ITFG1: variants seen among roughly 807,000 people sequenced by gnomAD.
ITFG1 encodes the protein T-cell immunomodulatory protein.
A neutral mutation model predicts 81.8 loss-of-function variants in ITFG1; 34 were observed. The ratio of observed to expected loss-of-function variants is 0.42; its 90% CI spans 0.32 to 0.55. ITFG1 has a LOEUF of 0.55. Ranked by LOEUF, ITFG1 falls within the 20% of genes least tolerant of loss-of-function variation. The probability of loss-of-function intolerance (pLI) is 0.17; values close to 1 mark genes in which losing one functional copy is unlikely to be tolerated. For missense variants in ITFG1, 672 were observed against 755.4 expected (o/e 0.89, Z 1.29); for synonymous variants, 285 against 270.6 (o/e 1.05, Z -0.52).
chr16:47,317,159 ACT>A (rs1967372795), intron 8 of ITFG1, among the ~76,000 whole-genome samples: 1 of 152,188 alleles, frequency 6.6e-6, no homozygotes, highest in African/African-American at 2.4e-5. Context: ...TTTGATGGTA[ACT>A]CTAGCCAAAT....
intron 8 of ITFG1, among the ~76,000 whole-genome samples, chr16:47,327,250 G>T (rs1967562733): frequency 6.6e-6 from 1 of 151,560 alleles, no homozygotes; most frequent in Non-Finnish European, 1.5e-5. Context: ...AATAAATGGT[G>T]CTGGGAAAAC....
At chr16:47,216,675 T>A (rs1294293623) in intron 14 of ITFG1, among the ~76,000 whole-genome samples, 1 of 152,080 alleles carries the variant, frequency 6.6e-6, no homozygotes, top group African/African-American at 2.4e-5. Context: ...TTTATTTATT[T>A]TTTTTTGAGA....
chr16:47,416,329 T>C (rs946116786), intron 6 of ITFG1, among the ~76,000 whole-genome samples: 1 of 152,156 alleles, frequency 6.6e-6, no homozygotes, highest in Non-Finnish European at 1.5e-5. Context: ...TCATATAGAT[T>C]TGACTATTTA....
intron 10 of ITFG1, among the ~76,000 whole-genome samples, chr16:47,266,462 C>T (rs955265139): frequency 6.6e-6 from 1 of 152,192 alleles, no homozygotes; most frequent in Non-Finnish European, 1.5e-5. Flanking sequence ...AAGTGATCTG[C>T]CCACCTGGGC....
chr16:47,421,252 A>T (rs1365752456), intron 6 of ITFG1, among the ~76,000 whole-genome samples: 1 of 150,338 alleles, frequency 6.7e-6, no homozygotes, highest in African/African-American at 2.5e-5. Context: ...ATATATACAC[A>T]CATATATACA....
chr16:47,388,786 T>C (rs191274925), intron 6 of ITFG1, among the ~76,000 whole-genome samples: 127 of 152,292 alleles, frequency 8.3e-4, no homozygotes, highest in African/African-American at 2.9e-3. Flanking sequence ...GACCCCGTCT[T>C]ACACTCAAGT....
chr16:47,308,320 G>A (rs898004367), intron 10 of ITFG1, among the ~76,000 whole-genome samples: 1 of 152,142 alleles, frequency 6.6e-6, no homozygotes, highest in Non-Finnish European at 1.5e-5. Flanking sequence ...CATAGAGAAC[G>A]TGAAAAAGAA....
Position 47,452,801 on chromosome 16 carries a change from GATAT to G in ITFG1, c.428-15_428-12del. 7 of 1,383,436 alleles carry G rather than the reference GATAT, an allele frequency of 5.1e-6. No homozygotes were observed. The highest frequency in any genetic ancestry group is 1.3e-5 in the South Asian group (1 of 76,372). The allele number at this position is 1,383,436 out of a possible 1,614,324, so 85.7% of individuals were successfully genotyped here. A position where few individuals can be genotyped will look rare whatever the true frequency, so the allele number is the denominator to read the frequency against. ...TCATATTGTTAGGATCTGCAAAAAA[GATAT>G]ATATATATATGAATTAGCAGGCATT... On this transcript the variant is annotated splice_polypyrimidine_tract_variant and intron_variant, in intron 3 of 17. Coordinates refer to ENST00000320640, the MANE Select transcript of ITFG1 (RefSeq NM_030790.5).
intron 5 of ITFG1, among the ~76,000 whole-genome samples, chr16:47,442,400 C>A (rs1596987610): frequency 6.6e-6 from 1 of 151,940 alleles, no homozygotes; most frequent in Admixed American, 6.6e-5. Flanking sequence ...AAGAGCCCGC[C>A]TTGCCAAGTC....
intron 6 of ITFG1, among the ~76,000 whole-genome samples, chr16:47,399,996 G>A (rs914462895): frequency 6.6e-6 from 1 of 152,198 alleles, no homozygotes; most frequent in African/African-American, 2.4e-5. Context: ...TCCAGATACT[G>A]TACTGGATAC....
intron 8 of ITFG1, among the ~76,000 whole-genome samples, chr16:47,315,616 G>T (rs1277203104): frequency 6.6e-6 from 1 of 151,804 alleles, no homozygotes; most frequent in African/African-American, 2.4e-5. Flanking sequence ...ATTTTTTCAA[G>T]TGCTCTAACA....
intron 8 of ITFG1, among the ~76,000 whole-genome samples, chr16:47,314,325 A>G (rs1020004906): frequency 6.6e-6 from 1 of 152,202 alleles, no homozygotes; most frequent in Non-Finnish European, 1.5e-5. Context: ...AAAAATAAGC[A>G]TATCAACAGT....
intron 12 of ITFG1, among the ~76,000 whole-genome samples, chr16:47,249,743 C>T (rs1182354845): frequency 6.6e-6 from 1 of 152,176 alleles, no homozygotes; most frequent in Non-Finnish European, 1.5e-5. Context: ...TTAAACCATA[C>T]TGTATGTTAC....
chr16:47,156,160 G>A (rs996808678), intron 17 of ITFG1, among the ~76,000 whole-genome samples: 1 of 152,176 alleles, frequency 6.6e-6, no homozygotes, highest in African/African-American at 2.4e-5. Context: ...ATGGCTGGGT[G>A]TGGTGGTGGC....
At chr16:47,324,094 A>C (rs1166799910) in intron 8 of ITFG1, among the ~76,000 whole-genome samples, 1 of 152,180 alleles carries the variant, frequency 6.6e-6, no homozygotes, top group East Asian at 1.9e-4. Context: ...ATATAAAATG[A>C]AGAGAAATAT....
At chr16:47,162,691 T>C in intron 14 of ITFG1, 27 bp from the exon 15 acceptor site, 1 of 1,559,962 alleles carries the variant, frequency 6.4e-7, no homozygotes, top group Non-Finnish European at 8.7e-7. Flanking sequence ...AAAAAAAAAT[T>C]AAAAACATCT....
chr16:47,314,721 G>T (rs1027040697), intron 8 of ITFG1, among the ~76,000 whole-genome samples: 3 of 152,272 alleles, frequency 2.0e-5, no homozygotes, highest in South Asian at 2.1e-4. Context: ...ACAATGCACA[G>T]TCACTTAGTT....
At chr16:47,260,180 G>A (rs1049756480) in intron 11 of ITFG1, among the ~76,000 whole-genome samples, 33 of 151,886 alleles carry the variant, frequency 2.2e-4, no homozygotes, top group African/African-American at 6.8e-4. Context: ...CTCATGATCC[G>A]CCTGCCTCGG....
intron 14 of ITFG1, among the ~76,000 whole-genome samples, chr16:47,190,310 A>T (rs1481635440): frequency 6.6e-6 from 1 of 152,262 alleles, no homozygotes; most frequent in East Asian, 1.9e-4. Flanking sequence ...GAGTTTTTTT[A>T]GTCCCAAGTT....
Sources: allele counts gnomAD v4.1 joint callset (sites outside exome capture counted in the v4.1 genomes callset), GRCh38; gene constraint gnomAD v4.1.1; transcripts MANE v1.5; gene names NCBI Gene and HGNC (gene_info 2026-07-23, HGNC 2026-07-21).